Variants in NBAS observed in about 807,000 individuals in gnomAD.
NBAS encodes NAG/BC035112 fusion.
A neutral mutation model predicts 302.5 loss-of-function variants in NBAS; 219 were observed. The ratio of observed to expected loss-of-function variants is 0.72; its 90% CI spans 0.65 to 0.81. The LOEUF (loss-of-function observed/expected upper bound fraction) is 0.81, where lower values mean the gene tolerates loss of function less well. Among genes scored for constraint, NBAS ranks in the 30% least tolerant of loss-of-function variants. NBAS has a pLI of 0.00. For synonymous variants in NBAS, 1,118 were observed against 1,021.6 expected, an observed-to-expected ratio of 1.09 and a Z score of -1.80; for missense variants, 2,932 against 2,841.6, an observed-to-expected ratio of 1.03 and a Z score of -0.72.
At chr2:15,106,373 G>A in the NBAS span, among the ~76,000 whole-genome samples, 1 of 151,996 alleles carries the variant, frequency 6.6e-6, no homozygotes, top group African/African-American at 2.4e-5. Context: ...TGTGACAAGT[G>A]CTTTATCTAT....
chr2:14,831,840 C>T, the NBAS span, among the ~76,000 whole-genome samples: 2 of 152,258 alleles, frequency 1.3e-5, no homozygotes. Flanking sequence ...AATAATAATT[C>T]ATATCTGTGC....
the NBAS span, among the ~76,000 whole-genome samples, chr2:15,157,509 C>A: frequency 2.6e-5 from 4 of 152,212 alleles, no homozygotes; most frequent in African/African-American, 9.6e-5. Context: ...CTCACCTGGG[C>A]TCTGCTTATT....
At chr2:15,352,215 G>C in intron 34 of NBAS, 134 bp from the exon 35 acceptor site, 1 of 671,796 alleles carries the variant, frequency 1.5e-6, no homozygotes. Flanking sequence ...TTTGGTAACA[G>C]GCTTACTTCA....
At chr2:15,379,941 G>C in intron 29 of NBAS, 110 bp from the exon 30 acceptor site, 2 of 961,146 alleles carry the variant, frequency 2.1e-6, no homozygotes, top group Non-Finnish European at 3.2e-6. Flanking sequence ...ATCCACCCTA[G>C]AGGTGGTGGC....
the NBAS span, among the ~76,000 whole-genome samples, chr2:14,887,410 A>AGAAAAAG: frequency 6.6e-6 from 1 of 150,566 alleles, no homozygotes; most frequent in African/African-American, 2.4e-5. Flanking sequence ...AAAAAAAAAA[A>AGAAAAAG]AAAAAGATAG....
At chr2:14,906,130 T>C in the NBAS span, among the ~76,000 whole-genome samples, 1 of 151,940 alleles carries the variant, frequency 6.6e-6, no homozygotes, top group Non-Finnish European at 1.5e-5. Context: ...GTAGTATTAG[T>C]AGTAGTAGTA....
chr2:15,023,017 C>G, the NBAS span, among the ~76,000 whole-genome samples: 1,886 of 151,944 alleles, frequency 0.012, 42 homozygotes, highest in African/African-American at 0.044. Flanking sequence ...ACACTGTAGT[C>G]CATCTTAATA....
At chr2:15,341,484 G>A (rs1056446788) in intron 35 of NBAS, among the ~76,000 whole-genome samples, 3 of 151,912 alleles carry the variant, frequency 2.0e-5, no homozygotes, top group African/African-American at 7.2e-5. Context: ...TAGAAAACTT[G>A]AATGTCTTAT....
the NBAS span, among the ~76,000 whole-genome samples, chr2:15,057,515 G>T: frequency 6.6e-6 from 1 of 152,052 alleles, no homozygotes; most frequent in African/African-American, 2.4e-5. Context: ...GTGAGATCCT[G>T]GTGCACCCAT....
chr2:15,223,092 G>T (rs1292631613), intron 47 of NBAS, among the ~76,000 whole-genome samples: 4 of 152,178 alleles, frequency 2.6e-5, no homozygotes, highest in Admixed American at 2.0e-4. Context: ...ACACAGAAAT[G>T]AAAGGCAGCT....
At chr2:15,198,501 A>G (rs895925539) in intron 48 of NBAS, among the ~76,000 whole-genome samples, 23 of 152,312 alleles carry the variant, frequency 1.5e-4, no homozygotes, top group Non-Finnish European at 2.5e-4. Context: ...AGGGGAGTCA[A>G]CAGAGGGATG....
intron 12 of NBAS, among the ~76,000 whole-genome samples, chr2:15,486,920 CAAA>C (rs545038937): frequency 8.0e-6 from 1 of 124,984 alleles, no homozygotes. Context: ...CTTTGCAGGA[CAAA>C]AAAAAAAAAG....
the NBAS span, among the ~76,000 whole-genome samples, chr2:14,915,111 A>G: frequency 6.6e-6 from 1 of 152,230 alleles, no homozygotes; most frequent in Non-Finnish European, 1.5e-5. Context: ...GAAGGATGGA[A>G]CTGGCCCTGG....
At chr2:15,280,134 T>C (rs1408223724) in intron 42 of NBAS, among the ~76,000 whole-genome samples, 1 of 152,206 alleles carries the variant, frequency 6.6e-6, no homozygotes, top group Non-Finnish European at 1.5e-5. Flanking sequence ...AAATAAATTA[T>C]TCATACTAAT....
At chr2:15,107,756 A>T in the NBAS span, among the ~76,000 whole-genome samples, 1 of 152,148 alleles carries the variant, frequency 6.6e-6, no homozygotes, top group African/African-American at 2.4e-5. Context: ...ACCAACGTGT[A>T]TTCTCATATA....
chr2:14,885,232 G>A, the NBAS span, among the ~76,000 whole-genome samples: 1 of 152,198 alleles, frequency 6.6e-6, no homozygotes, highest in Non-Finnish European at 1.5e-5. Flanking sequence ...GATAATGGTA[G>A]CTCGGACTAG....
At chr2:15,112,994 T>C in the NBAS span, among the ~76,000 whole-genome samples, 1 of 152,118 alleles carries the variant, frequency 6.6e-6, no homozygotes, top group Non-Finnish European at 1.5e-5. Context: ...AATTGTGGTG[T>C]TTGCTCTGAC....
intron 44 of NBAS, among the ~76,000 whole-genome samples, chr2:15,249,557 A>G (rs1668266629): frequency 1.3e-5 from 2 of 152,216 alleles, no homozygotes; most frequent in Non-Finnish European, 2.9e-5. Flanking sequence ...TTGTATATTT[A>G]GAAAACCCCA....
the NBAS span, among the ~76,000 whole-genome samples, chr2:14,940,665 A>G: frequency 6.6e-6 from 1 of 152,060 alleles, no homozygotes; most frequent in Non-Finnish European, 1.5e-5. Context: ...CTCCAACAAC[A>G]CAATGCCTCC....
Sources: gnomAD v4.1 joint callset for allele counts (sites outside exome capture counted in the v4.1 genomes callset) on GRCh38, gnomAD v4.1.1 for gene constraint, MANE v1.5 for transcripts, NCBI Gene and HGNC (gene_info 2026-07-23, HGNC 2026-07-21) for gene names.